NKAIN3: variants seen among roughly 807,000 people sequenced by gnomAD.
NKAIN3 encodes the protein sodium/potassium transporting ATPase interacting 3, also known as sodium/potassium-transporting ATPase subunit beta-1-interacting protein 3.
In NKAIN3, 25 loss-of-function variants were observed where a neutral mutation model predicts 30.2. That is an observed-to-expected ratio of 0.83 (90% CI 0.60 to 1.16). NKAIN3 has a LOEUF of 1.16. Ranked by LOEUF, NKAIN3 falls within the 50% of genes most tolerant of loss-of-function variation. The probability of loss-of-function intolerance (pLI) is 0.00; values close to 1 mark genes in which losing one functional copy is unlikely to be tolerated. For synonymous variants in NKAIN3, 91 were observed against 89.6 expected (o/e 1.02, Z -0.09); for missense variants, 225 against 254.1 (o/e 0.89, Z 0.78).
At chr8:62,642,427 T>C (rs952615231) in intron 3 of NKAIN3, among the ~76,000 whole-genome samples, 4 of 152,120 alleles carry the variant, frequency 2.6e-5, no homozygotes, top group Non-Finnish European at 5.9e-5. Flanking sequence ...TATTTAATAT[T>C]GTCTTTTAGG....
In NKAIN3 at chr8:62,976,775, T is replaced by G. The variant is rs755870652; in HGVS notation, c.*11368T>G. Reference sequence around the variant, plus strand: ...ATTAGTTGATGCAGCTTCTTCATAGTGTCGATGGTCTTTACATTTTGGAAT... The same window carrying G: ...ATTAGTTGATGCAGCTTCTTCATAGGGTCGATGGTCTTTACATTTTGGAAT... On this transcript the variant is annotated 3_prime_UTR_variant, in exon 7 of 7. Transcript: ENST00000623646. Among the ~76,000 whole-genome samples the G allele has an allele frequency of 1.1e-4, 16 of 152,318 alleles. No individual in the cohort carries two copies. Among genetic ancestry groups the G allele is most frequent in the Non-Finnish European group, 2.1e-4 (14 of 68,024 alleles).
intron 1 of NKAIN3, among the ~76,000 whole-genome samples, chr8:62,388,090 A>G (rs1817482946): frequency 6.6e-6 from 1 of 152,210 alleles, no homozygotes; most frequent in African/African-American, 2.4e-5. Flanking sequence ...ATAATTTTCC[A>G]AAATGTTTTA....
At chr8:62,808,392 A>G (rs1397035620) in intron 4 of NKAIN3, among the ~76,000 whole-genome samples, 3 of 152,160 alleles carry the variant, frequency 2.0e-5, no homozygotes, top group Non-Finnish European at 4.4e-5. Context: ...TCTTCAGTGC[A>G]TCATCATCTG....
intron 4 of NKAIN3, among the ~76,000 whole-genome samples, chr8:62,904,608 A>T (rs1181777697): frequency 2.6e-5 from 4 of 152,230 alleles, no homozygotes; most frequent in African/African-American, 9.6e-5. Flanking sequence ...ATGGTGACCC[A>T]CAAGGGAACT....
intron 2 of NKAIN3, among the ~76,000 whole-genome samples, chr8:62,587,921 A>T (rs144544395): frequency 6.6e-6 from 1 of 151,994 alleles, no homozygotes; most frequent in African/African-American, 2.4e-5. Context: ...CTTTAAATAG[A>T]TGTGTTTTAT....
At chr8:62,937,508 A>T (rs767644324) in intron 5 of NKAIN3, among the ~76,000 whole-genome samples, 5 of 152,090 alleles carry the variant, frequency 3.3e-5, no homozygotes, top group Non-Finnish European at 7.3e-5. Context: ...CAGCAGCTGG[A>T]AGAGCCCTGT....
At chr8:62,545,508 G>A (rs1439708549) in intron 1 of NKAIN3, among the ~76,000 whole-genome samples, 1 of 152,176 alleles carries the variant, frequency 6.6e-6, no homozygotes, top group Non-Finnish European at 1.5e-5. Flanking sequence ...GGTGGAGGTT[G>A]CAGTGAGCTG....
intron 5 of NKAIN3, among the ~76,000 whole-genome samples, chr8:62,922,143 A>T (rs1351892463): frequency 6.6e-6 from 1 of 152,186 alleles, no homozygotes; most frequent in Non-Finnish European, 1.5e-5. Flanking sequence ...AGCTCTAAAT[A>T]GTTCTTTATA....
At chr8:62,425,882 G>A (rs1030123856) in intron 1 of NKAIN3, among the ~76,000 whole-genome samples, 7 of 151,756 alleles carry the variant, frequency 4.6e-5, no homozygotes, top group Non-Finnish European at 1.0e-4. Flanking sequence ...CTTGTATGAT[G>A]TTATCTTAAA....
intron 1 of NKAIN3, among the ~76,000 whole-genome samples, chr8:62,525,516 G>T (rs1338978558): frequency 6.6e-6 from 1 of 152,068 alleles, no homozygotes; most frequent in Non-Finnish European, 1.5e-5. Context: ...TTGTTCCTGT[G>T]TTAGTTTGCT....
chr8:62,372,530 A>AT (rs1816943381), intron 1 of NKAIN3, among the ~76,000 whole-genome samples: 2 of 151,948 alleles, frequency 1.3e-5, no homozygotes, highest in African/African-American at 2.4e-5. Flanking sequence ...GGTTGTGGAG[A>AT]TTCGCATCAT....
At chr8:62,428,146 A>T (rs1223447904) in intron 1 of NKAIN3, among the ~76,000 whole-genome samples, 1 of 151,922 alleles carries the variant, frequency 6.6e-6, no homozygotes, top group Non-Finnish European at 1.5e-5. Flanking sequence ...CTACAGTTTC[A>T]TCCATGTTGC....
chr8:62,825,563 T>C (rs1234963307), intron 4 of NKAIN3, among the ~76,000 whole-genome samples: 1 of 152,142 alleles, frequency 6.6e-6, no homozygotes, highest in Admixed American at 6.5e-5. Flanking sequence ...TCTTTATGCA[T>C]AGCTATATTT....
At chr8:62,772,015 T>C (rs1227753956) in intron 4 of NKAIN3, among the ~76,000 whole-genome samples, 1 of 150,248 alleles carries the variant, frequency 6.7e-6, no homozygotes, top group African/African-American at 2.5e-5. Context: ...ATTTATCCTA[T>C]CTAACTATAT....
intron 4 of NKAIN3, among the ~76,000 whole-genome samples, chr8:62,899,990 T>C (rs964021399): frequency 1.3e-5 from 2 of 150,280 alleles, no homozygotes; most frequent in Non-Finnish European, 2.9e-5. Context: ...GATTCATCCA[T>C]GTAACCAAAA....
chr8:62,589,574 A>G (rs1285159778), intron 2 of NKAIN3, 140 bp from the exon 3 acceptor site: 1 of 479,240 alleles, frequency 2.1e-6, no homozygotes, highest in African/African-American at 2.0e-5. Flanking sequence ...GACCACATAG[A>G]GAGCACTCTT....
rs1284181775 is a variant in NKAIN3, at chr8:62,789,121, G to C, written c.471+41992G>C. On this transcript the variant is annotated intron_variant, in intron 4 of 6. Transcript: ENST00000623646. The stretch of plus-strand genomic sequence containing the variant: ...GGCATTGAATCTCTAAATTACCTTG[G>C]GCAGTATGGCCATTTTCACAATATT... Among the ~76,000 whole-genome samples, 3 of 151,994 alleles carry C rather than the reference G, an allele frequency of 2.0e-5. No homozygotes were observed. In the East Asian group the frequency reaches 5.8e-4, roughly 29 times the overall value.
chr8:62,475,604 A>G (rs549029432), intron 1 of NKAIN3, among the ~76,000 whole-genome samples: 11 of 152,282 alleles, frequency 7.2e-5, no homozygotes, highest in Middle Eastern at 3.4e-3. Flanking sequence ...GCTTGTACCA[A>G]TTAGGATCCC....
chr8:62,523,869 T>C (rs575867345), intron 1 of NKAIN3, among the ~76,000 whole-genome samples: 44 of 152,242 alleles, frequency 2.9e-4, no homozygotes, highest in African/African-American at 1.1e-3. Flanking sequence ...GTTCTGACTG[T>C]GATGCCAGTA....
Sources: gnomAD v4.1 joint callset for allele counts (sites outside exome capture counted in the v4.1 genomes callset) on GRCh38, gnomAD v4.1.1 for gene constraint, MANE v1.5 for transcripts, NCBI Gene and HGNC (gene_info 2026-07-23, HGNC 2026-07-21) for gene names.